CBLB: variants seen among roughly 807,000 people sequenced by gnomAD.
CBLB encodes the protein Cbl proto-oncogene B.
CBLB carries 31 observed loss-of-function variants against 104.9 expected under a neutral mutation model. The ratio of observed to expected loss-of-function variants is 0.30; its 90% CI spans 0.22 to 0.40. The LOEUF (loss-of-function observed/expected upper bound fraction) is 0.40. CBLB is among the 10% of genes least tolerant of loss of function. CBLB has a pLI of 1.00. For synonymous variants in CBLB, 440 were observed against 422.6 expected (o/e 1.04, Z -0.51); for missense variants, 1,062 against 1,214.6 (o/e 0.87, Z 1.87).
upstream of CBLB, chr3:105,869,432 G>A: frequency 7.6e-7 from 1 of 1,323,088 alleles, no homozygotes; most frequent in Non-Finnish European, 1.0e-6. Context: ...TACCTTCCTA[G>A]TCTTTTGTTT....
intron 10 of CBLB, among the ~76,000 whole-genome samples, chr3:105,713,656 C>T (rs1025143370): frequency 1.3e-5 from 2 of 152,166 alleles, no homozygotes; most frequent in African/African-American, 4.8e-5. Context: ...GTTTCTTTTG[C>T]TAATCACATG....
At chr3:105,845,698 T>C (rs2090159483) in intron 3 of CBLB, among the ~76,000 whole-genome samples, 1 of 152,090 alleles carries the variant, frequency 6.6e-6, no homozygotes, top group African/African-American at 2.4e-5. Context: ...AGCTCTCACC[T>C]GCCTCCCCTA....
chr3:105,792,475 T>A (rs1230110340), intron 3 of CBLB, among the ~76,000 whole-genome samples: 1 of 152,146 alleles, frequency 6.6e-6, no homozygotes, highest in African/African-American at 2.4e-5. Context: ...TCCCTCTTGC[T>A]CAATAACCCT....
intron 3 of CBLB, among the ~76,000 whole-genome samples, chr3:105,811,499 A>G (rs2084287671): frequency 6.6e-6 from 1 of 152,190 alleles, no homozygotes; most frequent in Non-Finnish European, 1.5e-5. Flanking sequence ...CTCTCAAATC[A>G]ATGCATGCAT....
chr3:105,851,747 C>T (rs149569587), intron 3 of CBLB, among the ~76,000 whole-genome samples: 29 of 152,244 alleles, frequency 1.9e-4, no homozygotes, highest in African/African-American at 6.7e-4. Flanking sequence ...AGTAAATTCA[C>T]ATAAAGCTAT....
chr3:105,835,295 A>T (rs6770517), intron 3 of CBLB, among the ~76,000 whole-genome samples: 1 of 152,210 alleles, frequency 6.6e-6, no homozygotes, highest in East Asian at 1.9e-4. Context: ...TTTTGTGAAA[A>T]CTGAACAACT....
chr3:105,747,467 G>T (rs531228099), intron 5 of CBLB, among the ~76,000 whole-genome samples: 1 of 152,114 alleles, frequency 6.6e-6, no homozygotes, highest in Non-Finnish European at 1.5e-5. Context: ...TAGTAATAAT[G>T]AAGTTTTTTA....
At chr3:105,786,932 T>C (rs1370748985) in intron 3 of CBLB, among the ~76,000 whole-genome samples, 2 of 152,204 alleles carry the variant, frequency 1.3e-5, no homozygotes, top group Non-Finnish European at 2.9e-5. Flanking sequence ...TTCCATTTAT[T>C]AGATATATGA....
At chr3:105,791,101 T>TGC (rs2081583516) in intron 3 of CBLB, among the ~76,000 whole-genome samples, 1 of 152,236 alleles carries the variant, frequency 6.6e-6, no homozygotes. Context: ...AAAGATCTGT[T>TGC]GAAGATTTCT....
At chr3:105,774,442 T>C (rs7619647) in intron 4 of CBLB, among the ~76,000 whole-genome samples, 37,731 of 152,134 alleles carry the variant, frequency 0.25, 4,860 homozygotes, top group Non-Finnish European at 0.28. Context: ...ACTATGGTAA[T>C]GCATATAAGT....
rs80243123 is a variant in CBLB, at chr3:105,782,755, A to C, written c.420-6213T>G. Among the ~76,000 whole-genome samples, 977 of 152,114 alleles carry C rather than the reference A, an allele frequency of 6.4e-3. 13 individuals are homozygous for C. Among genetic ancestry groups the C allele is most frequent in the African/African-American group, 0.023 (936 of 41,502 alleles). On this transcript the variant is annotated intron_variant, in intron 3 of 18. Coordinates refer to ENST00000394030, the MANE Select transcript of CBLB (RefSeq NM_170662.5). The stretch of plus-strand genomic sequence containing the variant: ...ACCTGGCTAATTTTTGTACTTTAGT[A>C]GAGAAGGGGTTTCTCCATGTTGGCC...
chr3:105,747,960 C>A (rs2076265601), intron 5 of CBLB, among the ~76,000 whole-genome samples: 1 of 152,130 alleles, frequency 6.6e-6, no homozygotes, highest in Non-Finnish European at 1.5e-5. Flanking sequence ...CTTCTAATTG[C>A]AAAAATATTT....
intron 3 of CBLB, among the ~76,000 whole-genome samples, chr3:105,778,367 A>C (rs1449592879): frequency 6.6e-6 from 1 of 152,256 alleles, no homozygotes; most frequent in African/African-American, 2.4e-5. Context: ...TACCAAGGAG[A>C]TCATTTAATA....
At chr3:105,812,342 A>C (rs927492906) in intron 3 of CBLB, among the ~76,000 whole-genome samples, 2 of 152,228 alleles carry the variant, frequency 1.3e-5, no homozygotes, top group African/African-American at 4.8e-5. Flanking sequence ...ATGAATAAAA[A>C]CAGACCAGTC....
intron 10 of CBLB, among the ~76,000 whole-genome samples, chr3:105,705,254 T>C (rs978317723): frequency 2.0e-5 from 3 of 152,224 alleles, no homozygotes; most frequent in Non-Finnish European, 4.4e-5. Context: ...CTTTATCATT[T>C]AGTCTGTCTT....
intron 3 of CBLB, among the ~76,000 whole-genome samples, chr3:105,794,083 G>T (rs966677128): frequency 1.6e-4 from 25 of 152,216 alleles, no homozygotes; most frequent in African/African-American, 6.0e-4. Context: ...ATGCCCATCT[G>T]ACTCAATGAA....
At chr3:105,836,633 G>T (rs1322735104) in intron 3 of CBLB, among the ~76,000 whole-genome samples, 1 of 152,052 alleles carries the variant, frequency 6.6e-6, no homozygotes, top group African/African-American at 2.4e-5. Flanking sequence ...CAAATATGAC[G>T]GTTTCTTACA....
At chr3:105,826,257 A>G (rs2086566914) in intron 3 of CBLB, among the ~76,000 whole-genome samples, 1 of 152,336 alleles carries the variant, frequency 6.6e-6, no homozygotes, top group Middle Eastern at 3.4e-3. Context: ...TATTTACCAC[A>G]TACACAAAAT....
chr3:105,766,489 G>A (rs762341692), intron 4 of CBLB, among the ~76,000 whole-genome samples: 1 of 152,126 alleles, frequency 6.6e-6, no homozygotes, highest in Non-Finnish European at 1.5e-5. Context: ...CTTCACTGCT[G>A]CCTAATTTTA....
Sources: allele counts gnomAD v4.1 joint callset (sites outside exome capture counted in the v4.1 genomes callset), GRCh38; gene constraint gnomAD v4.1.1; transcripts MANE v1.5; gene names NCBI Gene and HGNC (gene_info 2026-07-23, HGNC 2026-07-21).